HS2ST1: variants seen among roughly 807,000 people sequenced by gnomAD.
HS2ST1 encodes the protein heparan sulfate 2-O-sulfotransferase 1.
HS2ST1 carries 18 observed loss-of-function variants against 42.9 expected under a neutral mutation model. That is an observed-to-expected ratio of 0.42 (90% CI 0.29 to 0.62). The LOEUF is 0.62. HS2ST1 is among the 20% of genes least tolerant of loss of function. The pLI, the probability that HS2ST1 is intolerant of heterozygous loss-of-function variation, is 0.21. For missense variants in HS2ST1, 334 were observed against 433.8 expected (o/e 0.77, Z 2.04); for synonymous variants, 146 against 152.9 (o/e 0.95, Z 0.33).
intron 1 of HS2ST1, among the ~76,000 whole-genome samples, chr1:87,066,651 T>C (rs1651258073): frequency 6.6e-6 from 1 of 152,132 alleles, no homozygotes; most frequent in East Asian, 1.9e-4. Context: ...GGTATACCTG[T>C]GCCATGGTGG....
chr1:87,079,049 GA>G (rs1456616554), intron 2 of HS2ST1, among the ~76,000 whole-genome samples: 2 of 152,084 alleles, frequency 1.3e-5, no homozygotes, highest in Non-Finnish European at 2.9e-5. Flanking sequence ...TTTTCAAAGG[GA>G]GTTACTCATA....
intron 1 of HS2ST1, among the ~76,000 whole-genome samples, chr1:86,938,803 T>C (rs1233650902): frequency 1.3e-5 from 2 of 152,120 alleles, no homozygotes; most frequent in African/African-American, 4.8e-5. Context: ...CTAGTAGTGG[T>C]GTTGGATGGA....
At chr1:86,960,716 C>T (rs1398961863) in intron 1 of HS2ST1, among the ~76,000 whole-genome samples, 1 of 152,172 alleles carries the variant, frequency 6.6e-6, no homozygotes, top group Non-Finnish European at 1.5e-5. Flanking sequence ...ATTTAAACCA[C>T]AGTGAGATAC....
chr1:87,071,667 G>A (rs1318940108), intron 1 of HS2ST1, among the ~76,000 whole-genome samples: 3 of 151,078 alleles, frequency 2.0e-5, no homozygotes, highest in Non-Finnish European at 2.9e-5. Flanking sequence ...GGCAGAGGTT[G>A]CAGTGAGCCA....
chr1:87,061,339 A>G (rs919674743), intron 1 of HS2ST1, among the ~76,000 whole-genome samples: 2 of 152,094 alleles, frequency 1.3e-5, no homozygotes, highest in African/African-American at 2.4e-5. Flanking sequence ...CACCATCTCT[A>G]TCTAGTTCCA....
chr1:86,917,141 A>T (rs1338672672), intron 1 of HS2ST1, among the ~76,000 whole-genome samples: 1 of 152,188 alleles, frequency 6.6e-6, no homozygotes, highest in Admixed American at 6.5e-5. Context: ...CATGCCTAGC[A>T]GAGGAAACCA....
At chr1:86,958,274 A>T (rs2753276) in intron 1 of HS2ST1, among the ~76,000 whole-genome samples, 36,751 of 152,172 alleles carry the variant, frequency 0.24, 5,220 homozygotes, top group African/African-American at 0.39. Context: ...ACTTAACACA[A>T]ATTTTGTGTG....
chr1:86,955,970 C>T (rs1647666207), intron 1 of HS2ST1, among the ~76,000 whole-genome samples: 1 of 152,052 alleles, frequency 6.6e-6, no homozygotes, highest in Admixed American at 6.6e-5. Flanking sequence ...GCCTGGGTTG[C>T]AGAGTGAGAC....
intron 6 of HS2ST1, among the ~76,000 whole-genome samples, chr1:87,104,211 A>T (rs1652279140): frequency 6.6e-6 from 1 of 152,122 alleles, no homozygotes; most frequent in African/African-American, 2.4e-5. Flanking sequence ...GACAGCCTAC[A>T]CTTTACTGTG....
intron 1 of HS2ST1, among the ~76,000 whole-genome samples, chr1:86,981,242 A>G (rs549555936): frequency 6.6e-6 from 1 of 152,278 alleles, no homozygotes; most frequent in East Asian, 1.9e-4. Context: ...CTCCCTCAAT[A>G]CATGGGAATT....
At chr1:86,953,197 C>T (rs1277132028) in intron 1 of HS2ST1, among the ~76,000 whole-genome samples, 1 of 152,222 alleles carries the variant, frequency 6.6e-6, no homozygotes, top group Non-Finnish European at 1.5e-5. Flanking sequence ...TCACTTCTCT[C>T]AGCCTTCTTG....
At position 87,097,947 on chromosome 1, in the gene HS2ST1, A is replaced by T; in HGVS notation, c.686+12A>T. ...AGCTCCGAATGCTGGTAGGGGAGATAAAGTTGGCTCAGATTGATTATCATC... is the reference window on the plus strand; with the variant it reads ...AGCTCCGAATGCTGGTAGGGGAGATTAAGTTGGCTCAGATTGATTATCATC... On this transcript the variant is annotated intron_variant, in intron 5 of 6. Coordinates refer to ENST00000370550, the MANE Select transcript of HS2ST1 (RefSeq NM_012262.4). The T allele has an allele frequency of 2.5e-6, 4 of 1,613,798 alleles. No individual in the cohort carries two copies. The highest frequency in any genetic ancestry group is 3.4e-6 in the Non-Finnish European group (4 of 1,179,760).
At chr1:86,945,315 A>G (rs1647297582) in intron 1 of HS2ST1, among the ~76,000 whole-genome samples, 1 of 152,210 alleles carries the variant, frequency 6.6e-6, no homozygotes, top group African/African-American at 2.4e-5. Flanking sequence ...AGATGGAGAA[A>G]AGATCATCGA....
intron 1 of HS2ST1, among the ~76,000 whole-genome samples, chr1:87,007,778 TTGTC>T (rs1015256037): frequency 1.3e-5 from 2 of 152,228 alleles, no homozygotes; most frequent in Non-Finnish European, 2.9e-5. Context: ...GCTTGTGTCC[TTGTC>T]TGTCTTTCAT....
Position 87,103,459 on chromosome 1 carries a change from T to C in HS2ST1, c.714T>C (p.Asp238=). The part of the protein sequence containing the change: ...CWNVGSRWAM[D]QAKYNLINEY... ...ATGTGGGAAGCAGGTGGGCTATGGA[T>C]CAAGCCAAGTATAACCTAATTAATG... is the stretch of plus-strand genomic sequence containing the variant. Residue 238 remains aspartate, a synonymous_variant, in exon 6 of 7, where the codon GAT becomes GAC. Coordinates refer to ENST00000370550, the MANE Select transcript of HS2ST1 (RefSeq NM_012262.4). The C allele has an allele frequency of 6.2e-7, 1 of 1,607,510 alleles. No homozygotes were observed. The highest frequency in any genetic ancestry group is 1.1e-5 in the South Asian group (1 of 88,986).
At chr1:86,971,826 T>G (rs939309818) in intron 1 of HS2ST1, among the ~76,000 whole-genome samples, 51 of 152,308 alleles carry the variant, frequency 3.3e-4, no homozygotes, top group African/African-American at 1.1e-3. Context: ...GAAGTCTTCA[T>G]TCTTGAAAGA....
At chr1:87,057,501 C>T (rs935913475) in intron 1 of HS2ST1, among the ~76,000 whole-genome samples, 3 of 151,648 alleles carry the variant, frequency 2.0e-5, no homozygotes, top group African/African-American at 7.3e-5. Context: ...AGTGTTGTGC[C>T]TCCAAGGACT....
chr1:87,002,751 A>G (rs987346672), intron 1 of HS2ST1, among the ~76,000 whole-genome samples: 3 of 151,944 alleles, frequency 2.0e-5, no homozygotes, highest in Admixed American at 1.3e-4. Context: ...CCCGCTGACT[A>G]CCTTGTATAG....
chr1:87,104,564 GA>G lies in HS2ST1; in HGVS notation c.941del (p.Asn314MetfsTer8). The G allele has an allele frequency of 6.2e-7, 1 of 1,613,180 alleles. No individual in the cohort carries two copies. Among genetic ancestry groups the G allele is most frequent in the Non-Finnish European group, 8.5e-7 (1 of 1,179,236 alleles). ...LQQSDIWKME[N>X]EFYEFALEQF... Reference sequence around the variant, plus strand: ...AGCAATCTGATATTTGGAAAATGGAGAATGAGTTCTATGAATTTGCACTAGA... The same window carrying G: ...AGCAATCTGATATTTGGAAAATGGAGATGAGTTCTATGAATTTGCACTAGA... On this transcript the variant is annotated frameshift_variant, in exon 7 of 7. Transcript: ENST00000370550. LOFTEE classifies it high-confidence loss of function.
Sources: gnomAD v4.1 joint callset for allele counts (sites outside exome capture counted in the v4.1 genomes callset) on GRCh38, gnomAD v4.1.1 for gene constraint, MANE v1.5 for transcripts, NCBI Gene and HGNC (gene_info 2026-07-23, HGNC 2026-07-21) for gene names.